DLG2: variants seen among roughly 807,000 people sequenced by gnomAD.
DLG2 encodes disks large homolog 2.
Under a neutral mutation model 132.5 loss-of-function variants are expected in DLG2, and 45 were observed. The observed-to-expected ratio is 0.34, with a 90% confidence interval of 0.27 to 0.44. The LOEUF (loss-of-function observed/expected upper bound fraction) is 0.44. Ranked by LOEUF, DLG2 falls within the 20% of genes least tolerant of loss-of-function variation. The pLI is 1.00. For missense variants in DLG2, 1,045 were observed against 1,196.9 expected (o/e 0.87, Z 1.87); for synonymous variants, 424 against 419.6 (o/e 1.01, Z -0.13).
chr11:83,719,517 C>T (rs1345636687), intron 18 of DLG2, among the ~76,000 whole-genome samples: 3 of 152,166 alleles, frequency 2.0e-5, no homozygotes, highest in African/African-American at 7.2e-5. Context: ...CAGTGTGCTT[C>T]CACTCCTGGC....
chr11:85,615,192 C>T (rs2081258996), intron 2 of DLG2, among the ~76,000 whole-genome samples: 1 of 152,124 alleles, frequency 6.6e-6, no homozygotes, highest in African/African-American at 2.4e-5. Context: ...AGAAAATGTG[C>T]AAGGCTACGC....
At chr11:83,812,065 C>T (rs561470649) in intron 17 of DLG2, among the ~76,000 whole-genome samples, 2 of 152,036 alleles carry the variant, frequency 1.3e-5, no homozygotes, top group Non-Finnish European at 2.9e-5. Flanking sequence ...TCATCAACAC[C>T]CTTTACTAGT....
At chr11:85,133,755 G>T (rs1004315511) in intron 5 of DLG2, among the ~76,000 whole-genome samples, 1 of 152,052 alleles carries the variant, frequency 6.6e-6, no homozygotes, top group Non-Finnish European at 1.5e-5. Context: ...CTTGCTGTCT[G>T]CAGGCACTTA....
At chr11:84,983,321 T>A (rs892421770) in intron 6 of DLG2, among the ~76,000 whole-genome samples, 1 of 152,108 alleles carries the variant, frequency 6.6e-6, no homozygotes, top group African/African-American at 2.4e-5. Context: ...CAGGACTCTA[T>A]GTAGACAACC....
intron 7 of DLG2, among the ~76,000 whole-genome samples, chr11:84,529,865 G>A (rs2099330993): frequency 6.6e-6 from 1 of 152,132 alleles, no homozygotes; most frequent in Non-Finnish European, 1.5e-5. Context: ...TCAAAGCTGT[G>A]AGTATCACAT....
intron 6 of DLG2, among the ~76,000 whole-genome samples, chr11:84,667,934 T>C (rs758601486): frequency 1.3e-5 from 2 of 152,134 alleles, no homozygotes; most frequent in Non-Finnish European, 2.9e-5. Context: ...GGATATATTA[T>C]TTAATAATTG....
intron 3 of DLG2, among the ~76,000 whole-genome samples, chr11:85,346,803 A>T (rs549291353): frequency 7.2e-5 from 11 of 152,098 alleles, no homozygotes; most frequent in Admixed American, 7.2e-4. Context: ...TCACAAAGAA[A>T]GGGCAAATAA....
intron 3 of DLG2, among the ~76,000 whole-genome samples, chr11:85,321,327 G>A (rs190063808): frequency 2.0e-5 from 3 of 152,086 alleles, no homozygotes; most frequent in South Asian, 2.1e-4. Context: ...ATAAACCTGA[G>A]ATGCTTGTAA....
chr11:84,273,470 G>A (rs554507308), intron 7 of DLG2, among the ~76,000 whole-genome samples: 60 of 152,176 alleles, frequency 3.9e-4, no homozygotes, highest in Non-Finnish European at 6.6e-4. Context: ...TGTTTTCATC[G>A]GGAAGAATTT....
At chr11:83,566,481 G>A (rs2096710735) in intron 19 of DLG2, among the ~76,000 whole-genome samples, 1 of 151,786 alleles carries the variant, frequency 6.6e-6, no homozygotes, top group Admixed American at 6.6e-5. Context: ...GATGGAATTG[G>A]AAGAGCCAAG....
chr11:85,242,077 T>C (rs988633357), intron 4 of DLG2, among the ~76,000 whole-genome samples: 3 of 152,070 alleles, frequency 2.0e-5, no homozygotes, highest in African/African-American at 7.2e-5. Flanking sequence ...CTAGGCCACC[T>C]GCCTCTGTCC....
chr11:85,569,972 T>C (rs565753272), intron 3 of DLG2, among the ~76,000 whole-genome samples: 30 of 152,164 alleles, frequency 2.0e-4, no homozygotes, highest in African/African-American at 6.0e-4. Flanking sequence ...AAAGGGACAA[T>C]AGGCACTGCA....
chr11:84,947,478 T>TC lies in DLG2; in HGVS notation c.357+164182dup, dbSNP rs542857312. On this transcript the variant is annotated intron_variant, in intron 6 of 27. Coordinates refer to ENST00000376104, the MANE Select transcript of DLG2 (RefSeq NM_001142699.3). The stretch of plus-strand genomic sequence containing the variant: ...ATCTGCAAACTAATCACATAGGATG[T>TC]CCCACTTATAGTTAGGCTGCCTCCA... Among the ~76,000 whole-genome samples the TC allele has an allele frequency of 2.0e-5, 3 of 152,284 alleles. No individual in the cohort carries two copies. In the South Asian group the frequency reaches 6.2e-4, roughly 32 times the overall value.
chr11:83,668,748 CACACAT>C (rs2076238220), intron 18 of DLG2, among the ~76,000 whole-genome samples: 3 of 117,260 alleles, frequency 2.6e-5, no homozygotes, highest in Non-Finnish European at 5.2e-5. Context: ...TGTATATAAA[CACACAT>C]ATATATGTGT....
chr11:85,049,097 G>A (rs1364276336), intron 6 of DLG2, among the ~76,000 whole-genome samples: 1 of 151,908 alleles, frequency 6.6e-6, no homozygotes, highest in East Asian at 1.9e-4. Flanking sequence ...TCCTAAAGAA[G>A]AAAACCATGA....
chr11:85,101,858 G>C (rs1056626991), intron 6 of DLG2, among the ~76,000 whole-genome samples: 1 of 152,044 alleles, frequency 6.6e-6, no homozygotes, highest in African/African-American at 2.4e-5. Flanking sequence ...AATTCCTTCA[G>C]TTCTGAATGG....
chr11:84,468,306 G>A (rs1415468345), intron 7 of DLG2, among the ~76,000 whole-genome samples: 1 of 151,466 alleles, frequency 6.6e-6, no homozygotes, highest in Non-Finnish European at 1.5e-5. Flanking sequence ...TGACTTCCAT[G>A]TGTGTTAATT....
intron 6 of DLG2, among the ~76,000 whole-genome samples, chr11:84,580,700 G>C (rs2099514319): frequency 1.3e-5 from 2 of 152,204 alleles, no homozygotes; most frequent in Non-Finnish European, 2.9e-5. Flanking sequence ...GGAACAGCAA[G>C]CTATTTGGAC....
At position 83,633,412 on chromosome 11, in the gene DLG2, G is replaced by T. The variant is rs937153448; in HGVS notation, c.1826-87C>A. 4 of 1,065,108 alleles carry T rather than the reference G, an allele frequency of 3.8e-6. No homozygotes were observed. The South Asian group carries it at 5.4e-5, about 14-fold the overall frequency. The allele number at this position is 1,065,108 out of a possible 1,614,324, so 66.0% of individuals were successfully genotyped here. The stretch of plus-strand genomic sequence containing the variant: ...ACAGCCCAGGCAGCCCCTCACCCAC[G>T]TTGTTGGTTCCTTTGCCAAACAATG... On this transcript the variant is annotated intron_variant, in intron 18 of 27. Transcript: ENST00000376104.
Sources: allele counts gnomAD v4.1 joint callset (sites outside exome capture counted in the v4.1 genomes callset), GRCh38; gene constraint gnomAD v4.1.1; transcripts MANE v1.5; gene names NCBI Gene and HGNC (gene_info 2026-07-23, HGNC 2026-07-21).